Variants in PRKN observed in about 807,000 individuals in gnomAD.
PRKN encodes parkin RBR E3 ubiquitin protein ligase, also known as E3 ubiquitin-protein ligase parkin.
Under a neutral mutation model 59.5 loss-of-function variants are expected in PRKN, and 56 were observed. That is an observed-to-expected ratio of 0.94 (90% CI 0.76 to 1.18). The LOEUF (loss-of-function observed/expected upper bound fraction) is 1.18, where lower values mean the gene tolerates loss of function less well. PRKN is among the 50% of genes most tolerant of loss of function. PRKN has a pLI of 0.00. For synonymous variants in PRKN, 250 were observed against 222.1 expected (o/e 1.13, Z -1.12); for missense variants, 657 against 596.4 (o/e 1.10, Z -1.06).
In PRKN at chr6:161,348,163, G is replaced by A. The variant is rs937856017; in HGVS notation, c.*1936C>T. The stretch of plus-strand genomic sequence containing the variant: ...TGATGGAAAACACTGTGTGCTCCAC[G>A]TGACAGAAGGGAGCCACCTGATTTG... On this transcript the variant is annotated 3_prime_UTR_variant, in exon 12 of 12. Transcript: ENST00000366898. The surrounding 1 kb of genome is among the most constrained non-coding windows in gnomAD (Gnocchi z 4.9). The A allele has an allele frequency of 1.0e-5, 2 of 200,014 alleles. No individual in the cohort carries two copies. The highest frequency in any genetic ancestry group is 7.6e-5 in the East Asian group (1 of 13,124). 12.4% of individuals were successfully genotyped at this position (200,014 alleles called of 1,614,324 possible).
At chr6:162,704,819 T>C (rs1307280743) in intron 1 of PRKN, among the ~76,000 whole-genome samples, 1 of 152,160 alleles carries the variant, frequency 6.6e-6, no homozygotes, top group Non-Finnish European at 1.5e-5. Context: ...GATGGTCACA[T>C]CTGAATCGTG....
At chr6:162,418,661 T>TGTGTGTGTGTGTGCG (rs1398856017) in intron 2 of PRKN, among the ~76,000 whole-genome samples, 9 of 145,628 alleles carry the variant, frequency 6.2e-5, no homozygotes, top group Non-Finnish European at 9.0e-5. Context: ...TGCGTGTGTG[T>TGTGTGTGTGTGTGCG]TGAGGGGGGG....
chr6:161,927,578 G>A (rs79357229), intron 6 of PRKN, among the ~76,000 whole-genome samples: 6,273 of 152,154 alleles, frequency 0.041, 233 homozygotes, highest in South Asian at 0.15. Context: ...ACATTTTTAC[G>A]ACTGAAATTT....
chr6:161,751,641 C>G (rs554885651), intron 7 of PRKN, among the ~76,000 whole-genome samples: 1 of 152,314 alleles, frequency 6.6e-6, no homozygotes, highest in Admixed American at 6.5e-5. Context: ...TTGTTGTGCT[C>G]TTACTCTGTG....
chr6:162,428,504 T>C (rs996671844), intron 2 of PRKN, among the ~76,000 whole-genome samples: 2 of 152,120 alleles, frequency 1.3e-5, no homozygotes, highest in African/African-American at 4.8e-5. Flanking sequence ...TAAAGTTTAT[T>C]TGAACTGCCC....
At chr6:162,661,798 C>T (rs193036701) in intron 1 of PRKN, among the ~76,000 whole-genome samples, 4 of 152,262 alleles carry the variant, frequency 2.6e-5, no homozygotes, top group Admixed American at 2.6e-4. Flanking sequence ...AAATGTGAGG[C>T]AGAAATAATT....
In PRKN at chr6:162,548,941, G is replaced by A. The variant is rs1436161140; in HGVS notation, c.8-105468C>T. Among the ~76,000 whole-genome samples the A allele has an allele frequency of 3.5e-4, 53 of 152,052 alleles. 1 individual carries two copies. Among genetic ancestry groups the A allele is most frequent in the Admixed American group, 3.5e-3 (53 of 15,254 alleles). ...GTAAAGGGTATCCTCCACAGGAGGT[G>A]GGAATTCTTGGTCCTTTGAGGTAAA... is the stretch of plus-strand genomic sequence containing the variant. On this transcript the variant is annotated intron_variant, in intron 1 of 11. Coordinates refer to ENST00000366898, the MANE Select transcript of PRKN (RefSeq NM_004562.3).
At chr6:161,886,743 T>TAA (rs61116696) in intron 6 of PRKN, among the ~76,000 whole-genome samples, 41,264 of 127,364 alleles carry the variant, frequency 0.32, 6,042 homozygotes, top group East Asian at 0.44. Flanking sequence ...TAAAATAAAA[T>TAA]AATAAAATAA....
chr6:162,011,097 A>ATTTATAATATATAATTATAAT lies in PRKN; in HGVS notation c.619-37681_619-37680insATTATAATTATATATTATAAA. Among the ~76,000 whole-genome samples the ATTTATAATATATAATTATAAT allele has an allele frequency of 2.6e-3, 12 of 4,612 alleles. 6 individuals are homozygous for ATTTATAATATATAATTATAAT. Among genetic ancestry groups the ATTTATAATATATAATTATAAT allele is most frequent in the Non-Finnish European group, 3.9e-3 (12 of 3,040 alleles). 3.0% of individuals were successfully genotyped at this position (4,612 alleles called of 152,430 possible). A position where few individuals can be genotyped will look rare whatever the true frequency, so the allele number is the denominator to read the frequency against. ...ATTTATAATATATATTATAATATAT[A>ATTTATAATATATAATTATAAT]ATATATTTATAATATATAATATATT... On this transcript the variant is annotated intron_variant, in intron 5 of 11. Transcript: ENST00000366898.
At chr6:161,495,633 G>A (rs1246367377) in intron 9 of PRKN, among the ~76,000 whole-genome samples, 2 of 152,222 alleles carry the variant, frequency 1.3e-5, no homozygotes, top group African/African-American at 4.8e-5. Flanking sequence ...ACCTGAGCAC[G>A]CTCAAGGGAC....
At chr6:161,995,795 A>G (rs890990081) in intron 5 of PRKN, among the ~76,000 whole-genome samples, 1 of 152,152 alleles carries the variant, frequency 6.6e-6, no homozygotes. Context: ...ACTCTTATAC[A>G]CTGTTGTAAC....
Position 161,552,260 on chromosome 6 carries a change from C to CG in PRKN, c.934-3258_934-3257insC, listed in dbSNP as rs111466234. ...GAAGCGGGACATCTCTCGATCACCT[C>CG]TGCCTATGACTGTGAATGATCTCAC... On this transcript the variant is annotated intron_variant, in intron 8 of 11. Coordinates refer to ENST00000366898, the MANE Select transcript of PRKN (RefSeq NM_004562.3). This position sits in a 1 kb window ranked among gnomAD's most constrained non-coding sequence, Gnocchi z 4.9. Among the ~76,000 whole-genome samples the CG allele has an allele frequency of 0.01, 1,540 of 150,912 alleles. 18 individuals carry two copies. The highest frequency in any genetic ancestry group is 0.037 in the African/African-American group (1,478 of 40,258).
rs542334785 is a variant in PRKN at position 161,428,467 on chromosome 6, G to A, written c.1084-41590C>T. Reference sequence around the variant, plus strand: ...TCATGGAGAGACAGGCGGCTGCTCCGTCCATCTTCGAACCTGGCTGGCATC... The same window carrying A: ...TCATGGAGAGACAGGCGGCTGCTCCATCCATCTTCGAACCTGGCTGGCATC... On this transcript the variant is annotated intron_variant, in intron 9 of 11. Transcript: ENST00000366898. This position sits in a 1 kb window ranked among gnomAD's most constrained non-coding sequence, Gnocchi z 4.0. Among the ~76,000 whole-genome samples, 8 of 152,218 alleles carry A rather than the reference G, an allele frequency of 5.3e-5. No homozygotes were observed. The highest frequency in any genetic ancestry group is 2.1e-4 in the South Asian group (1 of 4,828).
Position 161,919,485 on chromosome 6 carries a change from G to A in PRKN, c.734+53817C>T, listed in dbSNP as rs146681999. 4.3e-3 allele frequency among the ~76,000 whole-genome samples: 660 copies of A among 152,260 alleles called. 5 individuals are homozygous for A. Among genetic ancestry groups the A allele is most frequent in the African/African-American group, 0.015 (629 of 41,532 alleles). ...TGATCGAACTGGACATATACCTGGA[G>A]GATTTGCATGATGTGTAAATTATAC... is the stretch of plus-strand genomic sequence containing the variant. On this transcript the variant is annotated intron_variant, in intron 6 of 11. Transcript: ENST00000366898.
rs567495113 is a variant in PRKN, at chr6:162,713,247, C to CA, written c.7+14414dup. Among the ~76,000 whole-genome samples the CA allele has an allele frequency of 3.2e-3, 491 of 152,278 alleles. 3 individuals are homozygous for CA. The highest frequency in any genetic ancestry group is 0.012 in the African/African-American group (480 of 41,570). ...GCCAGGCTCACGCCTGTAATCCCAG[C>CA]ACTTTGGGAGACCGAGGCGGGCGGA... On this transcript the variant is annotated intron_variant, in intron 1 of 11. Transcript: ENST00000366898.
At chr6:161,368,783 G>A (rs369661374) in intron 10 of PRKN, among the ~76,000 whole-genome samples, 13 of 152,004 alleles carry the variant, frequency 8.6e-5, no homozygotes, top group South Asian at 4.2e-4. Flanking sequence ...CCAACCTGCC[G>A]AAAGTGCTTT....
At chr6:161,805,628 G>A (rs918881699) in intron 6 of PRKN, among the ~76,000 whole-genome samples, 2 of 152,024 alleles carry the variant, frequency 1.3e-5, no homozygotes, top group East Asian at 1.9e-4. Flanking sequence ...CACTACCCCC[G>A]GCTCCTCTGT....
At chr6:162,594,948 G>A (rs1781443891) in intron 1 of PRKN, among the ~76,000 whole-genome samples, 1 of 152,148 alleles carries the variant, frequency 6.6e-6, no homozygotes, top group Non-Finnish European at 1.5e-5. Context: ...GCTGAGGTGA[G>A]TAGATCACGA....
intron 6 of PRKN, among the ~76,000 whole-genome samples, chr6:161,789,913 C>G (rs1790571804): frequency 1.3e-5 from 2 of 150,046 alleles, no homozygotes; most frequent in Non-Finnish European, 2.9e-5. Context: ...ACATGTTGTT[C>G]ACTAAATTTC....
Sources: allele counts gnomAD v4.1 joint callset (sites outside exome capture counted in the v4.1 genomes callset), GRCh38; gene constraint gnomAD v4.1.1; non-coding constraint Gnocchi (gnomAD v3.1); transcripts MANE v1.5; gene names NCBI Gene and HGNC (gene_info 2026-07-23, HGNC 2026-07-21).